Variants in VPS35L observed in about 807,000 individuals in gnomAD.
VPS35L encodes the protein VPS35 endosomal protein sorting factor like, also known as VPS35 endosomal protein-sorting factor-like.
Under a neutral mutation model 133.0 loss-of-function variants are expected in VPS35L, and 83 were observed. The ratio of observed to expected loss-of-function variants is 0.62; its 90% CI spans 0.52 to 0.75. The LOEUF is 0.75. Among genes scored for constraint, VPS35L ranks in the 30% least tolerant of loss-of-function variants. The pLI is 0.00. For synonymous variants in VPS35L, 423 were observed against 449.9 expected, an observed-to-expected ratio of 0.94 and a Z score of 0.76; for missense variants, 1,083 against 1,206.8, an observed-to-expected ratio of 0.90 and a Z score of 1.52.
chr16:19,680,918 C>CCG (rs1382274747), intron 27 of VPS35L, among the ~76,000 whole-genome samples: 1 of 139,462 alleles, frequency 7.2e-6, no homozygotes, highest in Non-Finnish European at 1.5e-5. Flanking sequence ...GAACCCGCCC[C>CCG]CCCCCTAAAA....
intron 26 of VPS35L, among the ~76,000 whole-genome samples, chr16:19,666,931 T>TCTTC (rs1440104361): frequency 5.0e-5 from 4 of 79,972 alleles, no homozygotes; most frequent in Admixed American, 1.2e-4. Flanking sequence ...TTTCTTTCTT[T>TCTTC]CTTCCTTTCT....
chr16:19,587,797 CTTTTTTTTTT>C (rs775544331), intron 7 of VPS35L, among the ~76,000 whole-genome samples: 2 of 118,962 alleles, frequency 1.7e-5, no homozygotes, highest in African/African-American at 7.1e-5. Flanking sequence ...TCCACATTGT[CTTTTTTTTTT>C]TTTTTTTTTT....
intron 7 of VPS35L, among the ~76,000 whole-genome samples, chr16:19,583,212 C>T (rs1971763501): frequency 6.6e-6 from 1 of 151,966 alleles, no homozygotes; most frequent in South Asian, 2.1e-4. Context: ...CATTTTTATA[C>T]CTCCCCAGAT....
intron 8 of VPS35L, among the ~76,000 whole-genome samples, chr16:19,600,899 G>A (rs1384419543): frequency 6.6e-6 from 1 of 152,132 alleles, no homozygotes; most frequent in Non-Finnish European, 1.5e-5. Context: ...GAGAAAATAT[G>A]GCATGTGAGT....
At chr16:19,583,835 G>A (rs1971782464) in intron 7 of VPS35L, among the ~76,000 whole-genome samples, 1 of 151,914 alleles carries the variant, frequency 6.6e-6, no homozygotes, top group Non-Finnish European at 1.5e-5. Context: ...CTGTAATTTT[G>A]TACCTGTTAA....
At chr16:19,579,374 T>G (rs1188644342) in intron 6 of VPS35L, 7 of 447,390 alleles carry the variant, frequency 1.6e-5, no homozygotes, top group Non-Finnish European at 2.8e-5. Flanking sequence ...CAAGGCTGGG[T>G]CGCCTAGCAA....
chr16:19,605,461 TCAAACTCCTCAC>T (rs984910506), intron 9 of VPS35L, among the ~76,000 whole-genome samples: 4 of 152,316 alleles, frequency 2.6e-5, no homozygotes, highest in African/African-American at 9.6e-5. Context: ...AGAAAAACTC[TCAAACTCCTCAC>T]CAAGGCTTCA....
At chr16:19,623,715 C>T (rs1051987845) in intron 14 of VPS35L, among the ~76,000 whole-genome samples, 2 of 149,458 alleles carry the variant, frequency 1.3e-5, no homozygotes, top group Non-Finnish European at 3.0e-5. Flanking sequence ...TGGGTCCAGA[C>T]GTAGATATAG....
chr16:19,607,312 G>A (rs1307253840), intron 9 of VPS35L, among the ~76,000 whole-genome samples: 2 of 152,202 alleles, frequency 1.3e-5, no homozygotes, highest in Non-Finnish European at 2.9e-5. Flanking sequence ...CAGTATGGCT[G>A]CAGAGGTTCC....
At chr16:19,580,373 A>G (rs1971672225) in intron 6 of VPS35L, among the ~76,000 whole-genome samples, 1 of 151,986 alleles carries the variant, frequency 6.6e-6, no homozygotes, top group Non-Finnish European at 1.5e-5. Context: ...CAGCCTCCCA[A>G]TATGCTGGGA....
intron 26 of VPS35L, among the ~76,000 whole-genome samples, chr16:19,660,758 T>C (rs2151595989): frequency 6.6e-6 from 1 of 152,294 alleles, no homozygotes; most frequent in African/African-American, 2.4e-5. Context: ...TTGTCCTGTA[T>C]CCAGTTGAAA....
intron 12 of VPS35L, among the ~76,000 whole-genome samples, chr16:19,611,098 C>T (rs1479079233): frequency 6.6e-6 from 1 of 152,162 alleles, no homozygotes; most frequent in East Asian, 1.9e-4. Flanking sequence ...CGCCTGGGTT[C>T]AAATGATTCT....
At chr16:19,653,418 G>A (rs554170697) in intron 26 of VPS35L, among the ~76,000 whole-genome samples, 1 of 152,330 alleles carries the variant, frequency 6.6e-6, no homozygotes, top group South Asian at 2.1e-4. Context: ...CCTCCCAGAA[G>A]CCACATGGGG....
intron 22 of VPS35L, 57 bp downstream of exon 22, chr16:19,642,533 A>G: frequency 7.2e-7 from 1 of 1,381,660 alleles, no homozygotes; most frequent in South Asian, 1.2e-5. Flanking sequence ...GCCACCTAAT[A>G]GGACATTAGG....
chr16:19,586,987 C>T (rs575704237), intron 7 of VPS35L, among the ~76,000 whole-genome samples: 1 of 152,268 alleles, frequency 6.6e-6, no homozygotes, highest in African/African-American at 2.4e-5. Flanking sequence ...ACTCACAGTT[C>T]TGCAGGCTGT....
intron 26 of VPS35L, among the ~76,000 whole-genome samples, chr16:19,659,004 C>A (rs1208270351): frequency 6.6e-6 from 1 of 152,162 alleles, no homozygotes; most frequent in Non-Finnish European, 1.5e-5. Context: ...CTGGATTTAA[C>A]CACTGTGCCT....
At position 19,587,345 on chromosome 16, in the gene VPS35L, C is replaced by G. The variant is rs111417479; in HGVS notation, c.640-4445C>G. 457 of 453,106 alleles carry G rather than the reference C, an allele frequency of 1.0e-3. 1 individual carries two copies. The highest frequency in any genetic ancestry group is 8.1e-3 in the African/African-American group (404 of 49,754). The allele number at this position is 453,106 out of a possible 1,614,324, so 28.1% of individuals were successfully genotyped here. ...GCACTTTTGTTAAAAATCAATTGACCAAGGCTGGGCGTGGTGGCTCATGCC... is the reference window on the plus strand; with the variant it reads ...GCACTTTTGTTAAAAATCAATTGACGAAGGCTGGGCGTGGTGGCTCATGCC... On this transcript the variant is annotated intron_variant, in intron 7 of 30. Coordinates refer to ENST00000417362, the MANE Select transcript of VPS35L (RefSeq NM_020314.7).
chr16:19,647,926 A>T (rs761521638), intron 24 of VPS35L, 44 bp downstream of exon 24: 8 of 1,445,520 alleles, frequency 5.5e-6, no homozygotes, highest in Non-Finnish European at 7.8e-6. Context: ...GTAAATATTT[A>T]TTGATCATCT....
intron 29 of VPS35L, among the ~76,000 whole-genome samples, chr16:19,692,254 A>G (rs1975719071): frequency 6.6e-6 from 1 of 152,076 alleles, no homozygotes; most frequent in Non-Finnish European, 1.5e-5. Context: ...AACTCTCTGC[A>G]CCACCCCACG....
Sources: allele counts gnomAD v4.1 joint callset (sites outside exome capture counted in the v4.1 genomes callset), GRCh38; gene constraint gnomAD v4.1.1; transcripts MANE v1.5; gene names NCBI Gene and HGNC (gene_info 2026-07-23, HGNC 2026-07-21).